PLB1: variants seen among roughly 807,000 people sequenced by gnomAD.
The protein encoded by PLB1 is phospholipase B1, membrane-associated.
Under a neutral mutation model 227.4 loss-of-function variants are expected in PLB1, and 242 were observed. The ratio of observed to expected loss-of-function variants is 1.06; its 90% CI spans 0.96 to 1.18. The LOEUF (loss-of-function observed/expected upper bound fraction) is 1.18. Ranked by LOEUF, PLB1 falls within the 50% of genes most tolerant of loss-of-function variation. PLB1 has a pLI of 0.00. For synonymous variants in PLB1, 757 were observed against 682.2 expected, an observed-to-expected ratio of 1.11 and a Z score of -1.71; for missense variants, 1,858 against 1,816.3, an observed-to-expected ratio of 1.02 and a Z score of -0.42.
At chr2:28,564,389 C>T (rs1254490019) in intron 18 of PLB1, among the ~76,000 whole-genome samples, 1 of 152,188 alleles carries the variant, frequency 6.6e-6, no homozygotes, top group East Asian at 1.9e-4. Context: ...TCCTCCGTGG[C>T]CCCTCAGCCA....
At chr2:28,640,562 C>T (rs1483659278) in intron 56 of PLB1, among the ~76,000 whole-genome samples, 2 of 152,180 alleles carry the variant, frequency 1.3e-5, no homozygotes, top group South Asian at 2.1e-4. Context: ...ATTGAAAACA[C>T]GGTGTCTTGC....
chr2:28,604,572 C>A, intron 40 of PLB1, 83 bp from the exon 41 acceptor site: 1 of 1,047,948 alleles, frequency 9.5e-7, no homozygotes, highest in Non-Finnish European at 1.4e-6. Flanking sequence ...GGGAGATGGA[C>A]TGCCCACCAC....
Position 28,628,619 on chromosome 2 carries a change from C to T in PLB1, c.3717C>T (p.Leu1239=). The T allele has an allele frequency of 6.2e-7, 1 of 1,614,184 alleles. No individual in the cohort carries two copies. Among genetic ancestry groups the T allele is most frequent in the Non-Finnish European group, 8.5e-7 (1 of 1,180,018 alleles). The change falls in exon 52 of 58, where the codon CTC becomes CTT. Residue 1239 remains leucine, a synonymous_variant. Transcript: ENST00000327757. ...VQHIQQALDI[L]SEELPRAFVN... ...ACATCCAACAGGCCCTGGACATCCT[C>T]TCTGAGGAGGTAGGAGAGGGGTTAC...
intron 32 of PLB1, among the ~76,000 whole-genome samples, chr2:28,593,373 C>CA (rs1174925442): frequency 6.6e-6 from 1 of 152,256 alleles, no homozygotes; most frequent in Admixed American, 6.5e-5. Flanking sequence ...AACACTCTCT[C>CA]ACGTTTGTAA....
intron 45 of PLB1, among the ~76,000 whole-genome samples, 172 bp from the exon 46 acceptor site, chr2:28,618,169 A>T (rs972716519): frequency 6.6e-6 from 1 of 152,228 alleles, no homozygotes; most frequent in Admixed American, 6.5e-5. Flanking sequence ...CATTCCCTGC[A>T]GTGCCTTGGT....
intron 17 of PLB1, among the ~76,000 whole-genome samples, chr2:28,559,285 C>T (rs899615344): frequency 2.0e-5 from 3 of 152,220 alleles, no homozygotes; most frequent in Admixed American, 2.0e-4. Context: ...CTTGGGCCCA[C>T]CCCAGACCTA....
chr2:28,606,037 C>A, intron 42 of PLB1, 89 bp downstream of exon 42: 1 of 1,027,186 alleles, frequency 9.7e-7, no homozygotes, highest in Non-Finnish European at 1.5e-6. Context: ...GCAAGTGAGG[C>A]TGAGGGGGCA....
At chr2:28,520,712 C>T (rs1335953495) in intron 4 of PLB1, among the ~76,000 whole-genome samples, 5 of 152,142 alleles carry the variant, frequency 3.3e-5, no homozygotes, top group African/African-American at 1.2e-4. Context: ...GTGGCTCACA[C>T]CTGTAATCCC....
chr2:28,547,152 G>T (rs750733466), intron 14 of PLB1, among the ~76,000 whole-genome samples: 1 of 145,006 alleles, frequency 6.9e-6, no homozygotes, highest in Non-Finnish European at 1.5e-5. Context: ...AATGAACTGT[G>T]ATCGCACCAC....
At chr2:28,610,235 G>T (rs762654137) in intron 43 of PLB1, among the ~76,000 whole-genome samples, 1 of 151,948 alleles carries the variant, frequency 6.6e-6, no homozygotes, top group Non-Finnish European at 1.5e-5. Context: ...CATGCATTAG[G>T]TATTTGTCCT....
At position 28,525,284 on chromosome 2, in the gene PLB1, G is replaced by A. The variant is rs534234691; in HGVS notation, c.261G>A (p.Thr87=). ...TATTCCAGCCTCCAGACCCAGGGAC[G>A]GGCGATCTGGAGAAGCAAGACTGGT... ...GNLEIPPDPG[T]GDLEKQDWTE... Residue 87 remains threonine, a synonymous_variant, in exon 5 of 58, where the codon ACG becomes ACA. Transcript: ENST00000327757. The A allele has an allele frequency of 5.0e-6, 8 of 1,613,576 alleles. No individual in the cohort carries two copies. Among genetic ancestry groups the A allele is most frequent in the Admixed American group, 3.3e-5 (2 of 60,000 alleles).
At chr2:28,501,273 C>G (rs1667064262) in intron 1 of PLB1, among the ~76,000 whole-genome samples, 1 of 152,112 alleles carries the variant, frequency 6.6e-6, no homozygotes, top group Admixed American at 6.5e-5. Flanking sequence ...TTACTGAATC[C>G]TACAATACAT....
Position 28,610,824 on chromosome 2 carries a change from C to T in PLB1, c.3130-3207C>T, listed in dbSNP as rs910921641. 1.3e-5 allele frequency among the ~76,000 whole-genome samples: 2 copies of T among 152,180 alleles called. 1 individual carries two copies. Among genetic ancestry groups the T allele is most frequent in the Admixed American group, 1.3e-4 (2 of 15,288 alleles). On this transcript the variant is annotated intron_variant, in intron 43 of 57. Coordinates refer to ENST00000327757, the MANE Select transcript of PLB1 (RefSeq NM_153021.5). The stretch of plus-strand genomic sequence containing the variant: ...GGCTGGGCTCTGCCTCCCCAGGCAG[C>T]CCACACCGTCTTTGCATGGCTGGAA...
chr2:28,517,068 C>A (rs1439711841), intron 2 of PLB1, among the ~76,000 whole-genome samples, 199 bp downstream of exon 2: 5 of 152,164 alleles, frequency 3.3e-5, no homozygotes. Flanking sequence ...TGGAGCTCAT[C>A]ATCCCTGCAG....
At chr2:28,542,751 C>A (rs540406407) in intron 13 of PLB1, among the ~76,000 whole-genome samples, 1 of 152,294 alleles carries the variant, frequency 6.6e-6, no homozygotes, top group Admixed American at 6.5e-5. Flanking sequence ...CCGAGGTCTC[C>A]GTAGCCTCAG....
chr2:28,635,612 T>C (rs1012292697), intron 56 of PLB1, among the ~76,000 whole-genome samples: 14 of 152,190 alleles, frequency 9.2e-5, no homozygotes, highest in African/African-American at 3.4e-4. Context: ...GTTCCCAGGG[T>C]TCCCTACTAG....
At chr2:28,544,858 G>A (rs1486112933) in intron 14 of PLB1, among the ~76,000 whole-genome samples, 2 of 152,140 alleles carry the variant, frequency 1.3e-5, no homozygotes, top group African/African-American at 2.4e-5. Context: ...GAAGAGATAC[G>A]GAGATAAGGC....
intron 44 of PLB1, among the ~76,000 whole-genome samples, chr2:28,614,397 CAAGAG>C (rs886089244): frequency 2.0e-5 from 3 of 152,118 alleles, no homozygotes; most frequent in African/African-American, 7.2e-5. Context: ...CTCAGCCTCT[CAAGAG>C]GGAGAGGCAG....
intron 31 of PLB1, among the ~76,000 whole-genome samples, chr2:28,592,217 A>G (rs1051579380): frequency 2.0e-5 from 3 of 152,206 alleles, no homozygotes; most frequent in African/African-American, 7.2e-5. Context: ...GTGGAAATTC[A>G]GAACCCACCT....
Sources: gnomAD v4.1 joint callset for allele counts (sites outside exome capture counted in the v4.1 genomes callset) on GRCh38, gnomAD v4.1.1 for gene constraint, MANE v1.5 for transcripts, NCBI Gene and HGNC (gene_info 2026-07-23, HGNC 2026-07-21) for gene names.